Variants in CUX1 observed in about 807,000 individuals in gnomAD.
CUX1 encodes the protein protein CASP.
In CUX1, 31 loss-of-function variants were observed where a neutral mutation model predicts 158.8. The observed-to-expected ratio is 0.20, with a 90% CI of 0.15 to 0.26. CUX1 has a LOEUF of 0.26. Ranked by LOEUF, CUX1 falls within the 10% of genes least tolerant of loss-of-function variation. The pLI, the probability that CUX1 is intolerant of heterozygous loss-of-function variation, is 1.00. For missense variants in CUX1, 1,589 were observed against 2,014.6 expected (o/e 0.79, Z 4.04); for synonymous variants, 879 against 862.1 (o/e 1.02, Z -0.34).
chr7:102,195,449 C>CCT, intron 13 of CUX1, 58 bp from the exon 14 acceptor site: 1 of 1,421,574 alleles, frequency 7.0e-7, no homozygotes, highest in African/African-American at 1.4e-5. Flanking sequence ...GGCCTGGTGG[C>CCT]CCCGGGAGCG....
intron 2 of CUX1, 61 bp from the exon 3 acceptor site, chr7:102,028,037 A>T: frequency 6.3e-7 from 1 of 1,587,016 alleles, no homozygotes; most frequent in Non-Finnish European, 8.6e-7. Flanking sequence ...GGCCTTAACC[A>T]ATGTTTCCCT....
chr7:102,134,063 G>T (rs1332924593), intron 8 of CUX1, among the ~76,000 whole-genome samples: 2 of 152,188 alleles, frequency 1.3e-5, no homozygotes, highest in African/African-American at 4.8e-5. Context: ...GTCCTGGCGC[G>T]CTGGCTCACA....
At chr7:101,958,441 C>A (rs1222884070) in intron 2 of CUX1, among the ~76,000 whole-genome samples, 2 of 151,530 alleles carry the variant, frequency 1.3e-5, no homozygotes, top group East Asian at 3.9e-4. Context: ...GGAGGAGTAA[C>A]CCAAAAGGAC....
At chr7:102,165,613 C>T (rs1554508539) in intron 9 of CUX1, among the ~76,000 whole-genome samples, 2 of 152,186 alleles carry the variant, frequency 1.3e-5, no homozygotes, top group Admixed American at 1.3e-4. Flanking sequence ...GATCTGCCCA[C>T]CTCAGCCTCC....
chr7:102,175,243 G>T (rs76828909), intron 10 of CUX1, among the ~76,000 whole-genome samples: 9,909 of 152,226 alleles, frequency 0.065, 447 homozygotes, highest in African/African-American at 0.12. Context: ...TTTGACCTGT[G>T]TCACTGGAAG....
intron 1 of CUX1, among the ~76,000 whole-genome samples, chr7:101,885,765 A>G (rs1800159276): frequency 6.6e-6 from 1 of 152,182 alleles, no homozygotes; most frequent in Non-Finnish European, 1.5e-5. Context: ...TTCCAAAGAT[A>G]TCTTGCCCAG....
chr7:101,827,249 T>TCTTCTCTTCC (rs1367769807), intron 1 of CUX1, among the ~76,000 whole-genome samples: 1 of 80,434 alleles, frequency 1.2e-5, no homozygotes, highest in Non-Finnish European at 3.0e-5. Context: ...CCCCTCCTTC[T>TCTTCTCTTCC]CTTCTCTTCT....
chr7:101,963,611 T>C (rs374551), intron 2 of CUX1, among the ~76,000 whole-genome samples: 7 of 152,138 alleles, frequency 4.6e-5, no homozygotes, highest in African/African-American at 1.7e-4. Context: ...AAAAATAGAA[T>C]AATAATCAAT....
chr7:101,819,641 C>A (rs1254499059), intron 1 of CUX1, among the ~76,000 whole-genome samples: 1 of 152,024 alleles, frequency 6.6e-6, no homozygotes. Flanking sequence ...AAGAGCAGTT[C>A]AAGAAATTAC....
chr7:101,873,348 A>C (rs1271816485), intron 1 of CUX1, among the ~76,000 whole-genome samples: 3 of 69,934 alleles, frequency 4.3e-5, no homozygotes, highest in African/African-American at 1.2e-4. Flanking sequence ...CCCCCACCCC[A>C]TATGTTTTAT....
At chr7:101,995,753 G>C (rs975362169) in intron 2 of CUX1, among the ~76,000 whole-genome samples, 2 of 152,170 alleles carry the variant, frequency 1.3e-5, no homozygotes, top group African/African-American at 4.8e-5. Flanking sequence ...AGAGTTGTGT[G>C]TATGGGGACT....
chr7:102,278,657 A>AATAAAATAAAATAAAAAAATAAAATAT (rs781848717), intron 18 of CUX1, among the ~76,000 whole-genome samples: 5,516 of 98,616 alleles, frequency 0.056, 134 homozygotes, highest in Non-Finnish European at 0.08. Context: ...AATAAAATAA[A>AATAAAATAAAATAAAAAAATAAAATAT]AAAATAAAAT....
intron 2 of CUX1, among the ~76,000 whole-genome samples, chr7:101,919,336 C>G (rs964866142): frequency 6.6e-6 from 1 of 152,154 alleles, no homozygotes; most frequent in Non-Finnish European, 1.5e-5. Context: ...TCTTGAGGAG[C>G]CACCACTGCC....
At chr7:101,983,280 CT>C (rs1813709369) in intron 2 of CUX1, among the ~76,000 whole-genome samples, 1 of 152,162 alleles carries the variant, frequency 6.6e-6, no homozygotes, top group Non-Finnish European at 1.5e-5. Context: ...GGGTGACAAC[CT>C]CTTAGAAAAA....
At chr7:101,921,440 T>TTTTATTTATTTATTTA (rs61205066) in intron 2 of CUX1, among the ~76,000 whole-genome samples, 18 of 150,094 alleles carry the variant, frequency 1.2e-4, no homozygotes, top group East Asian at 4.0e-4. Context: ...TTTTATTTTA[T>TTTTATTTATTTATTTA]TTTATTTATT....
At chr7:101,965,360 C>T (rs2129182053) in intron 2 of CUX1, among the ~76,000 whole-genome samples, 1 of 152,212 alleles carries the variant, frequency 6.6e-6, no homozygotes, top group East Asian at 1.9e-4. Context: ...AAAGAGGTTC[C>T]CAGGTCGAGC....
intron 3 of CUX1, among the ~76,000 whole-genome samples, chr7:102,040,096 A>T (rs542874120): frequency 6.6e-6 from 1 of 152,164 alleles, no homozygotes; most frequent in African/African-American, 2.4e-5. Context: ...GTTGCTAAAG[A>T]TGTCTCATTG....
At chr7:101,970,707 G>A (rs997261580) in intron 2 of CUX1, among the ~76,000 whole-genome samples, 2 of 151,960 alleles carry the variant, frequency 1.3e-5, no homozygotes, top group Admixed American at 6.6e-5. Context: ...AGGCGCGTAC[G>A]ACCATACCCG....
chr7:102,222,220 G>C (rs868916580), intron 20 of CUX1, among the ~76,000 whole-genome samples: 3 of 152,176 alleles, frequency 2.0e-5, no homozygotes, highest in Non-Finnish European at 2.9e-5. Flanking sequence ...CGAGACTGCA[G>C]TGAACCATGA....
Sources: allele counts gnomAD v4.1 joint callset (sites outside exome capture counted in the v4.1 genomes callset), GRCh38; gene constraint gnomAD v4.1.1; transcripts MANE v1.5; gene names NCBI Gene and HGNC (gene_info 2026-07-23, HGNC 2026-07-21).